AHCTF1: variants seen among roughly 807,000 people sequenced by gnomAD.
AHCTF1 encodes the protein AT-hook containing transcription factor 1, also known as protein ELYS.
A neutral mutation model predicts 248.4 loss-of-function variants in AHCTF1; 24 were observed. The observed-to-expected ratio is 0.10, with a 90% CI of 0.07 to 0.14. AHCTF1 has a LOEUF of 0.14. Among genes scored for constraint, AHCTF1 ranks in the 10% least tolerant of loss-of-function variants. AHCTF1 has a pLI of 1.00. For synonymous variants in AHCTF1, 786 were observed against 929.8 expected (o/e 0.85, Z 2.81); for missense variants, 2,206 against 2,636.2 (o/e 0.84, Z 3.57).
At chr1:246,854,202 G>C (rs1434253091) in intron 31 of AHCTF1, among the ~76,000 whole-genome samples, 1 of 151,438 alleles carries the variant, frequency 6.6e-6, no homozygotes, top group Non-Finnish European at 1.5e-5. Flanking sequence ...GGGAGACTGA[G>C]GCAGGAGAAT....
chr1:246,846,756 G>T (rs1346004513), intron 33 of AHCTF1, among the ~76,000 whole-genome samples: 1 of 151,682 alleles, frequency 6.6e-6, no homozygotes, highest in Non-Finnish European at 1.5e-5. Context: ...ATTTTTTGGG[G>T]GGATGGGGGT....
At chr1:246,907,200 A>T (rs958421930) in intron 5 of AHCTF1, among the ~76,000 whole-genome samples, 1 of 152,234 alleles carries the variant, frequency 6.6e-6, no homozygotes, top group Non-Finnish European at 1.5e-5. Flanking sequence ...AAAAGGTACA[A>T]TCAAAATACA....
chr1:246,846,107 T>A (rs1660240911), intron 33 of AHCTF1, among the ~76,000 whole-genome samples: 1 of 148,530 alleles, frequency 6.7e-6, no homozygotes, highest in Admixed American at 6.9e-5. Context: ...GTATCTAGTA[T>A]GGCCTTAGGT....
intron 26 of AHCTF1, among the ~76,000 whole-genome samples, chr1:246,865,941 A>T (rs1188117794): frequency 2.6e-5 from 4 of 152,160 alleles, no homozygotes; most frequent in Non-Finnish European, 5.9e-5. Flanking sequence ...GTAACTTTTT[A>T]CTTGTTAGAG....
Position 246,879,498 on chromosome 1 carries a change from T to C in AHCTF1, c.2661-2196A>G, listed in dbSNP as rs115586890. ...AGCATTGTTTAAAATGGCTAAAGGT[T>C]GAAACAACCTAAATGTTCATTACAG... On this transcript the variant is annotated intron_variant, in intron 21 of 35. Coordinates refer to ENST00000648844, the MANE Select transcript of AHCTF1 (RefSeq NM_001323342.2). Among the ~76,000 whole-genome samples the C allele has an allele frequency of 3.0e-3, 457 of 152,264 alleles. 2 individuals carry two copies. Among genetic ancestry groups the C allele is most frequent in the African/African-American group, 0.011 (441 of 41,532 alleles).
Position 246,885,612 on chromosome 1 carries a change from A to C in AHCTF1, c.2541T>G (p.Ile847Met). ...GCTCGCCCTGACTCATGAATGCCTG[A>C]ATAATCTTTGAATGTTGCCATGACA... ...KPLSWQHSKI[I>M]QAFMSQGEHR... Residue 847 changes from isoleucine (I) to methionine (M), a missense_variant, in exon 21 of 36, where the codon ATT becomes ATG. Around this residue, in one of 6 missense-constraint regions of AHCTF1, gnomAD observed 650 missense variants for 870.8 expected, o/e 0.75. Transcript: ENST00000648844. 1.2e-6 allele frequency: 2 copies of C among 1,612,780 alleles called. No homozygotes were observed. The highest frequency in any genetic ancestry group is 1.7e-6 in the Non-Finnish European group (2 of 1,179,144).
chr1:246,894,730 G>A lies in AHCTF1; in HGVS notation c.1733C>T (p.Thr578Ile), dbSNP rs773359616. ...WITEEQPNSATNLRFVLEWTW... is the reference protein window; with the variant it reads ...WITEEQPNSAINLRFVLEWTW... Reference sequence around the variant, plus strand: ...CCATTCAAGAACAAAGCGCAAATTAGTGGCAGAATTTGGTTGTTCTTATTT... The same window carrying A: ...CCATTCAAGAACAAAGCGCAAATTAATGGCAGAATTTGGTTGTTCTTATTT... Residue 578 changes from threonine (T) to isoleucine (I), a missense_variant, in exon 14 of 36, where the codon ACT becomes ATT. Around this residue, in one of 6 missense-constraint regions of AHCTF1, gnomAD observed 650 missense variants for 870.8 expected, o/e 0.75. Transcript: ENST00000648844. The A allele has an allele frequency of 6.2e-7, 1 of 1,613,764 alleles. No individual in the cohort carries two copies. Among genetic ancestry groups the A allele is most frequent in the Admixed American group, 1.7e-5 (1 of 60,002 alleles).
At chr1:246,919,508 T>C (rs1015201069) in intron 1 of AHCTF1, among the ~76,000 whole-genome samples, 2 of 151,774 alleles carry the variant, frequency 1.3e-5, no homozygotes, top group Non-Finnish European at 2.9e-5. Flanking sequence ...GGTTAGGAGA[T>C]CAACACCATC....
intron 1 of AHCTF1, among the ~76,000 whole-genome samples, 175 bp from the exon 2 acceptor site, chr1:246,918,552 C>CT (rs1235346241): frequency 4.6e-5 from 7 of 152,248 alleles, no homozygotes; most frequent in Admixed American, 4.6e-4. Flanking sequence ...GTCCCAGCTA[C>CT]TTGGGAGGCT....
At chr1:246,846,828 T>C (rs573036716) in intron 33 of AHCTF1, among the ~76,000 whole-genome samples, 43 of 152,154 alleles carry the variant, frequency 2.8e-4, no homozygotes, top group African/African-American at 8.9e-4. Flanking sequence ...GATGGCTCAC[T>C]GCAACCTCAA....
chr1:246,908,820 T>G (rs1353448189), intron 4 of AHCTF1, among the ~76,000 whole-genome samples: 6 of 146,232 alleles, frequency 4.1e-5, no homozygotes, highest in African/African-American at 1.3e-4. Flanking sequence ...ATGGTGTGAA[T>G]CCGGGAGGCA....
At chr1:246,916,753 G>T (rs1162186206) in intron 2 of AHCTF1, among the ~76,000 whole-genome samples, 1 of 152,132 alleles carries the variant, frequency 6.6e-6, no homozygotes, top group African/African-American at 2.4e-5. Context: ...GTAGAGATAA[G>T]GCAGCTAAAC....
intron 1 of AHCTF1, chr1:246,931,326 A>C: frequency 2.6e-6 from 4 of 1,545,170 alleles, no homozygotes; most frequent in Non-Finnish European, 3.5e-6. Flanking sequence ...CTCCGCCGCC[A>C]TGTGCCGCCG....
At chr1:246,923,427 A>G (rs1666716007) in intron 1 of AHCTF1, among the ~76,000 whole-genome samples, 1 of 148,252 alleles carries the variant, frequency 6.7e-6, no homozygotes, top group Non-Finnish European at 1.5e-5. Context: ...ATAAATAAAT[A>G]AATACATAAA....
At chr1:246,844,614 C>T (rs773664465) in intron 33 of AHCTF1, among the ~76,000 whole-genome samples, 38 of 152,008 alleles carry the variant, frequency 2.5e-4, no homozygotes, top group East Asian at 1.9e-4. Flanking sequence ...GTGTCAGCTA[C>T]GTGGGAGGCT....
intron 23 of AHCTF1, among the ~76,000 whole-genome samples, chr1:246,876,650 C>T (rs937788159): frequency 6.6e-6 from 1 of 152,114 alleles, no homozygotes; most frequent in Non-Finnish European, 1.5e-5. Flanking sequence ...CTTCCTCTAC[C>T]ACACAATGAT....
chr1:246,931,113 C>T (rs1667322483), intron 1 of AHCTF1: 1 of 1,548,632 alleles, frequency 6.5e-7, no homozygotes, highest in East Asian at 2.5e-5. Flanking sequence ...ACTTCTTCCC[C>T]GCCAGGACTA....
chr1:246,930,834 C>G (rs1430996254), intron 1 of AHCTF1, among the ~76,000 whole-genome samples: 1 of 152,172 alleles, frequency 6.6e-6, no homozygotes. Context: ...AAAATTTCTA[C>G]AACTGACGAT....
intron 24 of AHCTF1, among the ~76,000 whole-genome samples, chr1:246,875,606 G>C (rs573291908): frequency 1.3e-5 from 2 of 152,180 alleles, no homozygotes; most frequent in Non-Finnish European, 2.9e-5. Flanking sequence ...CTGTGTCATC[G>C]TAAGAAACTG....
Sources: gnomAD v4.1 joint callset for allele counts (sites outside exome capture counted in the v4.1 genomes callset) on GRCh38, gnomAD v4.1.1 for gene constraint, gnomAD v4.1.1 regional missense constraint, MANE v1.5 for transcripts, NCBI Gene and HGNC (gene_info 2026-07-23, HGNC 2026-07-21) for gene names.